The following ZCCHC7 variants were observed in gnomAD, a reference collection of about 807,000 sequenced individuals.
ZCCHC7 encodes zinc finger CCHC domain-containing protein 7.
ZCCHC7 carries 35 observed loss-of-function variants against 52.0 expected under a neutral mutation model. The observed-to-expected ratio is 0.67, with a 90% CI of 0.51 to 0.89. ZCCHC7 has a LOEUF of 0.89. Among genes scored for constraint, ZCCHC7 ranks in the 40% least tolerant of loss-of-function variants. ZCCHC7 has a pLI of 0.00. For synonymous variants in ZCCHC7, 217 were observed against 221.5 expected, an observed-to-expected ratio of 0.98 and a Z score of 0.18; for missense variants, 574 against 649.1, an observed-to-expected ratio of 0.88 and a Z score of 1.26.
At chr9:37,226,907 G>A (rs1825135874) in intron 2 of ZCCHC7, among the ~76,000 whole-genome samples, 1 of 151,670 alleles carries the variant, frequency 6.6e-6, no homozygotes. Context: ...GTGGGCGCCT[G>A]TAGTCCCAGC....
chr9:37,298,036 G>A (rs950993973), intron 2 of ZCCHC7, among the ~76,000 whole-genome samples: 13 of 152,114 alleles, frequency 8.5e-5, no homozygotes, highest in South Asian at 4.1e-4. Flanking sequence ...AATACAAGTC[G>A]CCCTTTTTTG....
At chr9:37,355,514 C>T (rs564255355) in intron 8 of ZCCHC7, among the ~76,000 whole-genome samples, 126 of 152,214 alleles carry the variant, frequency 8.3e-4, no homozygotes, top group Non-Finnish European at 1.4e-3. Flanking sequence ...CAGGACCTTT[C>T]CAAAATGAAG....
intron 2 of ZCCHC7, among the ~76,000 whole-genome samples, chr9:37,211,619 G>T (rs1482705260): frequency 6.6e-6 from 1 of 152,068 alleles, no homozygotes; most frequent in South Asian, 2.1e-4. Context: ...TGTTAATTAT[G>T]TGATATTATT....
chr9:37,337,167 T>C (rs1830709431), intron 6 of ZCCHC7, among the ~76,000 whole-genome samples: 1 of 152,144 alleles, frequency 6.6e-6, no homozygotes, highest in African/African-American at 2.4e-5. Flanking sequence ...ACTATAATCT[T>C]AAACATAAAA....
intron 2 of ZCCHC7, among the ~76,000 whole-genome samples, chr9:37,176,070 GTTTGTTTGT>G (rs1044800851): frequency 6.6e-5 from 10 of 151,804 alleles, no homozygotes; most frequent in African/African-American, 2.4e-4. Flanking sequence ...TTGTTTGTTT[GTTTGTTTGT>G]TTTGTTTTGT....
Position 37,304,232 on chromosome 9 carries a change from G to T in ZCCHC7, c.699G>T (p.Arg233=). 6.2e-7 allele frequency: 1 copy of T among 1,613,852 alleles called. No individual in the cohort carries two copies. Among genetic ancestry groups the T allele is most frequent in the East Asian group, 2.2e-5 (1 of 44,870 alleles). ...NNRTPGRWTQ[R]YYSANKNIIC... ...GAACACCTGGAAGATGGACCCAGCGGTACTATTCAGCCAACAAAAACATTA... is the reference window on the plus strand; with the variant it reads ...GAACACCTGGAAGATGGACCCAGCGTTACTATTCAGCCAACAAAAACATTA... The change falls in exon 4 of 9, where the codon CGG becomes CGT. Residue 233 remains arginine (R), a synonymous_variant. Coordinates refer to ENST00000336755, the MANE Select transcript of ZCCHC7 (RefSeq NM_032226.3).
At chr9:37,137,007 G>A (rs984894932) in intron 2 of ZCCHC7, among the ~76,000 whole-genome samples, 14 of 152,242 alleles carry the variant, frequency 9.2e-5, no homozygotes, top group Admixed American at 3.3e-4. Flanking sequence ...TGATCTGCTA[G>A]TTTATGACAT....
At chr9:37,132,731 C>G (rs1564132785) in intron 2 of ZCCHC7, among the ~76,000 whole-genome samples, 4 of 152,180 alleles carry the variant, frequency 2.6e-5, no homozygotes, top group Non-Finnish European at 5.9e-5. Context: ...TACATCCTCT[C>G]GTATACTTTT....
chr9:37,152,562 A>G lies in ZCCHC7; in HGVS notation c.610+25620A>G, dbSNP rs563889615. On this transcript the variant is annotated intron_variant, in intron 2 of 8. Transcript: ENST00000336755. ...CAGACTTTCCTTTTTTTTGATGACC[A>G]TGTCAGTTTTGAGGAATGTTAGGTA... Among the ~76,000 whole-genome samples the G allele has an allele frequency of 5.9e-5, 9 of 151,930 alleles. No homozygotes were observed. In the South Asian group the frequency reaches 1.5e-3, roughly 25 times the overall value.
At position 37,294,907 on chromosome 9, in the gene ZCCHC7, G is replaced by T. The variant is rs531990174; in HGVS notation, c.611-7281G>T. 1.4e-3 allele frequency among the ~76,000 whole-genome samples: 220 copies of T among 152,190 alleles called. 1 individual carries two copies. The highest frequency in any genetic ancestry group is 4.6e-3 in the African/African-American group (192 of 41,534). On this transcript the variant is annotated intron_variant, in intron 2 of 8. Transcript: ENST00000336755. ...CCAGGATCCTTGAAAATATAGATAAGATGCTTTCAGACTATGACTGAAGGA... is the reference window on the plus strand; with the variant it reads ...CCAGGATCCTTGAAAATATAGATAATATGCTTTCAGACTATGACTGAAGGA...
intron 2 of ZCCHC7, among the ~76,000 whole-genome samples, chr9:37,205,692 A>ATT (rs58265016): frequency 3.0e-4 from 45 of 152,100 alleles, no homozygotes; most frequent in South Asian, 1.9e-3. Context: ...AATTTTTTGT[A>ATT]TTTTTAGTAG....
rs1209595670 is a variant in ZCCHC7 at position 37,357,466 on chromosome 9, A to C, written c.*198A>C. ...GTGTCCAACAGGATATTAGGTAAGA[A>C]AGTACAAAGATAAACCTGGACTTCT... is the stretch of plus-strand genomic sequence containing the variant. On this transcript the variant is annotated 3_prime_UTR_variant, in exon 9 of 9. Coordinates refer to ENST00000336755, the MANE Select transcript of ZCCHC7 (RefSeq NM_032226.3). The C allele has an allele frequency of 9.6e-6, 4 of 418,036 alleles. No individual in the cohort carries two copies. The highest frequency in any genetic ancestry group is 4.1e-5 in the African/African-American group (2 of 48,984). The allele number at this position is 418,036 out of a possible 1,614,324, so 25.9% of individuals were successfully genotyped here.
At position 37,120,638 on chromosome 9, in the gene ZCCHC7, G is replaced by C. The variant is rs1373286398; in HGVS notation, c.-22+15G>C. On this transcript the variant is annotated intron_variant, in intron 1 of 8. Coordinates refer to ENST00000336755, the MANE Select transcript of ZCCHC7 (RefSeq NM_032226.3). ...CAGCTGCGGCAGTGAGTATGTGTGT[G>C]ACGGACCCCCGCCGCCCGCGGCTCG... 2.5e-6 allele frequency: 1 copy of C among 395,902 alleles called. No individual in the cohort carries two copies. Among genetic ancestry groups the C allele is most frequent in the Non-Finnish European group, 4.5e-6 (1 of 224,028 alleles). 24.5% of individuals were successfully genotyped at this position (395,902 alleles called of 1,614,324 possible). A position where few individuals can be genotyped will look rare whatever the true frequency, so the allele number is the denominator to read the frequency against.
At chr9:37,314,161 T>C (rs1829712677) in intron 5 of ZCCHC7, among the ~76,000 whole-genome samples, 1 of 152,178 alleles carries the variant, frequency 6.6e-6, no homozygotes, top group African/African-American at 2.4e-5. Context: ...GTGTAGAAGA[T>C]AGAGATAATT....
chr9:37,123,326 G>A (rs1842407518), intron 1 of ZCCHC7, among the ~76,000 whole-genome samples: 1 of 151,904 alleles, frequency 6.6e-6, no homozygotes. Flanking sequence ...TAACATTAAC[G>A]AAAACAACCT....
At chr9:37,157,100 A>T (rs1354525211) in intron 2 of ZCCHC7, among the ~76,000 whole-genome samples, 3 of 151,546 alleles carry the variant, frequency 2.0e-5, no homozygotes, top group African/African-American at 7.3e-5. Context: ...AGAAAACCAC[A>T]TGATGGGTAA....
chr9:37,320,284 G>T (rs559719588), intron 5 of ZCCHC7, among the ~76,000 whole-genome samples: 33 of 151,946 alleles, frequency 2.2e-4, no homozygotes, highest in Non-Finnish European at 3.5e-4. Flanking sequence ...CACCATGTTG[G>T]CCAGGCTGGT....
chr9:37,225,921 A>G lies in ZCCHC7; in HGVS notation c.611-76267A>G, dbSNP rs930204321. ...CATTTCTACATTGTACTGGAAGTCA[A>G]TTGTCTGGAAGTCATTGTACTGCCA... On this transcript the variant is annotated intron_variant, in intron 2 of 8. Coordinates refer to ENST00000336755, the MANE Select transcript of ZCCHC7 (RefSeq NM_032226.3). Among the ~76,000 whole-genome samples the G allele has an allele frequency of 8.5e-5, 13 of 152,348 alleles. No individual in the cohort carries two copies. The South Asian group carries it at 1.2e-3, about 15-fold the overall frequency.
At chr9:37,304,396 G>C in intron 4 of ZCCHC7, 83 bp downstream of exon 4, 2 of 1,496,004 alleles carry the variant, frequency 1.3e-6, no homozygotes, top group Non-Finnish European at 1.8e-6. Flanking sequence ...GCTCATGCCT[G>C]TAATCCCAGC....
Sources: gnomAD v4.1 joint callset for allele counts (sites outside exome capture counted in the v4.1 genomes callset) on GRCh38, gnomAD v4.1.1 for gene constraint, MANE v1.5 for transcripts, NCBI Gene and HGNC (gene_info 2026-07-23, HGNC 2026-07-21) for gene names.